Variants in TSPAN7 observed in about 807,000 individuals in gnomAD.
TSPAN7 encodes tetraspanin-7.
Under a neutral mutation model 17.6 loss-of-function variants are expected in TSPAN7, and 1 was observed. The observed-to-expected ratio is 0.06, with a 90% CI of 0.02 to 0.27. The LOEUF (loss-of-function observed/expected upper bound fraction) is 0.27. TSPAN7 is among the 10% of genes least tolerant of loss of function. TSPAN7 has a pLI of 1.00. For missense variants in TSPAN7, 112 were observed against 201.7 expected, an observed-to-expected ratio of 0.56 and a Z score of 2.69; for synonymous variants, 78 against 79.0, an observed-to-expected ratio of 0.99 and a Z score of 0.07.
chrX:38,626,368 T>C (rs1419916914), intron 1 of TSPAN7, among the ~76,000 whole-genome samples: 1 of 112,113 alleles, frequency 8.9e-6, no homozygotes, highest in Non-Finnish European at 1.9e-5. Flanking sequence ...CAGCTGTTAA[T>C]CTTTAAAAAT....
intron 5 of TSPAN7, among the ~76,000 whole-genome samples, chrX:38,680,310 G>T (rs1377519503): frequency 9.3e-6 from 1 of 107,953 alleles, no homozygotes; most frequent in Non-Finnish European, 1.9e-5. Flanking sequence ...AACATGGCTG[G>T]TTTTTTTTTT....
intron 1 of TSPAN7, among the ~76,000 whole-genome samples, chrX:38,568,962 T>A (rs574512874): frequency 3.6e-5 from 4 of 111,715 alleles, no homozygotes; most frequent in African/African-American, 9.7e-5. Flanking sequence ...TGTTTTTGTT[T>A]CATGAGTGTA....
chrX:38,625,869 T>C (rs1416596735), intron 1 of TSPAN7, among the ~76,000 whole-genome samples: 3 of 112,106 alleles, frequency 2.7e-5, no homozygotes, highest in African/African-American at 6.5e-5. Flanking sequence ...AAGTCATCTG[T>C]GGGAACTTCG....
chrX:38,656,173 G>A, intron 1 of TSPAN7: 1 of 215,225 alleles, frequency 4.6e-6, no homozygotes, highest in South Asian at 6.5e-5. Flanking sequence ...GTATGGCTGA[G>A]GCTTTGGTGG....
At chrX:38,687,755 C>A in intron 7 of TSPAN7, 81 bp downstream of exon 7, 1 of 811,938 alleles carries the variant, frequency 1.2e-6, no homozygotes, top group Non-Finnish European at 1.8e-6. Context: ...AGGAGTACTC[C>A]CTGGCCATTG....
intron 1 of TSPAN7, among the ~76,000 whole-genome samples, chrX:38,581,869 A>T (rs2069229298): frequency 8.9e-6 from 1 of 112,545 alleles, no homozygotes; most frequent in African/African-American, 3.2e-5. Flanking sequence ...AAGGCATTAA[A>T]AGCTGCTGGA....
chrX:38,666,986 A>G (rs985086190), intron 2 of TSPAN7, among the ~76,000 whole-genome samples: 5 of 112,249 alleles, frequency 4.5e-5, no homozygotes, highest in African/African-American at 1.6e-4. Flanking sequence ...CATCCTGAAC[A>G]TAAGCAGACT....
chrX:38,587,093 G>A (rs2069262524), intron 1 of TSPAN7, among the ~76,000 whole-genome samples: 1 of 112,512 alleles, frequency 8.9e-6, no homozygotes. Flanking sequence ...AAGAGGAAAG[G>A]TGCAACTGGC....
chrX:38,612,266 C>T (rs2069423533), intron 1 of TSPAN7: 1 of 111,879 alleles, frequency 8.9e-6, no homozygotes, highest in Non-Finnish European at 1.9e-5. Flanking sequence ...CTCTGCGTTT[C>T]CTACTCTTCA....
chrX:38,587,711 T>C (rs1414636395), intron 1 of TSPAN7, among the ~76,000 whole-genome samples: 2 of 111,533 alleles, frequency 1.8e-5, no homozygotes, highest in African/African-American at 6.5e-5. Context: ...CCCTGGATGA[T>C]TGGCTGAGAG....
intron 1 of TSPAN7, among the ~76,000 whole-genome samples, chrX:38,624,888 C>G (rs190193960): frequency 8.9e-6 from 1 of 111,994 alleles, no homozygotes; most frequent in East Asian, 2.8e-4. Context: ...TTTAAAGCTC[C>G]CCAGATGATT....
chrX:38,662,372 C>T (rs1024048972), intron 1 of TSPAN7, among the ~76,000 whole-genome samples: 2 of 111,835 alleles, frequency 1.8e-5, no homozygotes, highest in African/African-American at 6.5e-5. Flanking sequence ...TAACATGAAA[C>T]TTCTTCTCCT....
intron 1 of TSPAN7, among the ~76,000 whole-genome samples, chrX:38,588,658 G>T (rs2069272552): frequency 3.6e-5 from 4 of 111,544 alleles, no homozygotes. Context: ...GATGAAAATG[G>T]TTTTTCAACT....
chrX:38,607,369 A>G (rs2069389214), intron 1 of TSPAN7, among the ~76,000 whole-genome samples: 1 of 111,650 alleles, frequency 9.0e-6, no homozygotes, highest in Non-Finnish European at 1.9e-5. Context: ...CTTTATTTAG[A>G]TGTCTCACTG....
At chrX:38,603,721 G>A (rs1225748412) in intron 1 of TSPAN7, among the ~76,000 whole-genome samples, 1 of 110,894 alleles carries the variant, frequency 9.0e-6, no homozygotes, top group Non-Finnish European at 1.9e-5. Context: ...ATTTGCCTAG[G>A]ACTGGAGGAT....
chrX:38,680,912 G>A (rs984429385), intron 5 of TSPAN7, among the ~76,000 whole-genome samples: 1 of 111,582 alleles, frequency 9.0e-6, no homozygotes, highest in African/African-American at 3.3e-5. Context: ...ATTGTGTCTG[G>A]GATTGGCTTT....
At chrX:38,651,380 G>A (rs2069675301) in intron 1 of TSPAN7, among the ~76,000 whole-genome samples, 1 of 111,323 alleles carries the variant, frequency 9.0e-6, no homozygotes, top group African/African-American at 3.3e-5. Flanking sequence ...CAGGAGAATG[G>A]CATGAACCCG....
intron 1 of TSPAN7, among the ~76,000 whole-genome samples, chrX:38,651,050 CATATATAT>C (rs34201318): frequency 1.0e-5 from 1 of 98,137 alleles, no homozygotes; most frequent in African/African-American, 3.8e-5. Flanking sequence ...AATGTGATTA[CATATATAT>C]ATATATATAT....
rs372428376 is a variant in TSPAN7 at position 38,603,538 on chromosome X, T to C, written c.81+41911T>C. 1.4e-4 allele frequency among the ~76,000 whole-genome samples: 16 copies of C among 112,113 alleles called. No individual in the cohort carries two copies. The East Asian group carries it at 3.7e-3, about 26-fold the overall frequency. On this transcript the variant is annotated intron_variant, in intron 1 of 7. Coordinates refer to ENST00000378482, the MANE Select transcript of TSPAN7 (RefSeq NM_004615.4). ...GTCCATCAACTGATAAATGGATAAA[T>C]AAAATGTGATATATCCATACAATGG...
Sources: gnomAD v4.1 joint callset for allele counts (sites outside exome capture counted in the v4.1 genomes callset) on GRCh38, gnomAD v4.1.1 for gene constraint, MANE v1.5 for transcripts, NCBI Gene and HGNC (gene_info 2026-07-23, HGNC 2026-07-21) for gene names.